UGT1A7: variants seen among roughly 807,000 people sequenced by gnomAD.
UGT1A7 encodes the protein UDP-glucuronosyltransferase 1A7.
Under a neutral mutation model 45.6 loss-of-function variants are expected in UGT1A7, and 33 were observed. The ratio of observed to expected loss-of-function variants is 0.72; its 90% confidence interval spans 0.55 to 0.97. The LOEUF is 0.97. Among genes scored for constraint, UGT1A7 ranks in the 50% least tolerant of loss-of-function variants. The probability of loss-of-function intolerance (pLI) is 0.00; values close to 1 mark genes in which losing one functional copy is unlikely to be tolerated. For missense variants in UGT1A7, 684 were observed against 666.2 expected (o/e 1.03, Z -0.29); for synonymous variants, 274 against 250.6 (o/e 1.09, Z -0.88).
intron 1 of UGT1A7, among the ~76,000 whole-genome samples, chr2:233,724,736 C>A (rs1232972283): frequency 7.0e-6 from 1 of 142,768 alleles, no homozygotes; most frequent in African/African-American, 2.6e-5. Flanking sequence ...GGCAGAGGGG[C>A]TCCTCACATC....
chr2:233,762,430 C>A (rs796065862), intron 1 of UGT1A7, among the ~76,000 whole-genome samples: 1 of 152,178 alleles, frequency 6.6e-6, no homozygotes, highest in African/African-American at 2.4e-5. Context: ...AATAGAGTAA[C>A]AGTGTATTCC....
chr2:233,757,535 AATATATATAT>A (rs67292694), intron 1 of UGT1A7, among the ~76,000 whole-genome samples: 5,616 of 88,332 alleles, frequency 0.064, 477 homozygotes, highest in Non-Finnish European at 0.086. Context: ...GCCTGTAAGG[AATATATATAT>A]ATATATATAT....
chr2:233,713,916 G>A, intron 1 of UGT1A7: 2 of 1,612,412 alleles, frequency 1.2e-6, no homozygotes, highest in Non-Finnish European at 1.7e-6. Flanking sequence ...TTTAAAAAAT[G>A]TATTTACTTA....
Position 233,769,517 on chromosome 2 carries a change from G to C in UGT1A7, c.1295+1078G>C. The C allele has an allele frequency of 6.2e-7, 1 of 1,612,844 alleles. No individual in the cohort carries two copies. The highest frequency in any genetic ancestry group is 8.5e-7 in the Non-Finnish European group (1 of 1,179,874). On this transcript the variant is annotated intron_variant, in intron 4 of 4. Coordinates refer to ENST00000373426, the MANE Select transcript of UGT1A7 (RefSeq NM_019077.3). This position sits in a 1 kb window ranked among gnomAD's most constrained non-coding sequence, Gnocchi z 4.4. ...AGAGTGTCCATTGCTTTCTCCCATG[G>C]TTACCTCCTTTAGAAAGAAGCAGCA...
At chr2:233,768,122 G>A in intron 3 of UGT1A7, 98 bp from the exon 4 acceptor site, 1 of 1,602,552 alleles carries the variant, frequency 6.2e-7, no homozygotes, top group Non-Finnish European at 8.5e-7. Flanking sequence ...GGGCATGTGA[G>A]TAACACTGAG....
chr2:233,731,351 A>G (rs2078148084), intron 1 of UGT1A7, among the ~76,000 whole-genome samples: 1 of 151,002 alleles, frequency 6.6e-6, no homozygotes, highest in African/African-American at 2.4e-5. Flanking sequence ...TTTGATACAT[A>G]GGTATACATG....
intron 1 of UGT1A7, among the ~76,000 whole-genome samples, chr2:233,707,503 C>T (rs2075965043): frequency 6.7e-6 from 1 of 148,792 alleles, no homozygotes; most frequent in Non-Finnish European, 1.5e-5. Flanking sequence ...CGGTACTTAA[C>T]ATAAATAGAA....
chr2:233,690,803 T>G, intron 1 of UGT1A7: 2 of 1,096,684 alleles, frequency 1.8e-6, no homozygotes, highest in East Asian at 7.6e-5. Context: ...ACACACACCA[T>G]TCTTAGTACA....
intron 1 of UGT1A7, chr2:233,718,839 G>T: frequency 1.2e-6 from 2 of 1,613,658 alleles, no homozygotes; most frequent in South Asian, 1.1e-5. Flanking sequence ...AGGACTCCAG[G>T]TTCCCCTGCC....
chr2:233,760,377 A>G (rs1697424081), intron 1 of UGT1A7: 2 of 1,614,124 alleles, frequency 1.2e-6, no homozygotes, highest in Admixed American at 1.7e-5. Flanking sequence ...CTGGGAAGAT[A>G]CTGTTGATCC....
chr2:233,730,079 T>A, intron 1 of UGT1A7: 1 of 1,605,320 alleles, frequency 6.2e-7, no homozygotes, highest in African/African-American at 1.3e-5. Context: ...CTTCCATATT[T>A]ACTTATCTTT....
intron 1 of UGT1A7, among the ~76,000 whole-genome samples, chr2:233,731,010 G>A (rs17868337): frequency 0.016 from 2,364 of 152,256 alleles, 27 homozygotes; most frequent in Admixed American, 0.024. Flanking sequence ...CATGTACATC[G>A]TGAGAGAATC....
chr2:233,741,159 G>T (rs1330355973), intron 1 of UGT1A7, among the ~76,000 whole-genome samples: 1 of 151,856 alleles, frequency 6.6e-6, no homozygotes, highest in Non-Finnish European at 1.5e-5. Flanking sequence ...CACTAATCCA[G>T]GATATATCAA....
chr2:233,693,905 C>T, intron 1 of UGT1A7: 1 of 1,613,116 alleles, frequency 6.2e-7, no homozygotes, highest in Non-Finnish European at 8.5e-7. Context: ...TTGTTTCTTC[C>T]AGGCTCTGTC....
At chr2:233,731,900 A>G (rs2078218151) in intron 1 of UGT1A7, among the ~76,000 whole-genome samples, 1 of 152,238 alleles carries the variant, frequency 6.6e-6, no homozygotes. Flanking sequence ...CACTCCCACC[A>G]ATGGTGTAAA....
chr2:233,744,059 G>A (rs1241791762), intron 1 of UGT1A7: 4 of 568,466 alleles, frequency 7.0e-6, no homozygotes, highest in Non-Finnish European at 1.1e-5. Context: ...ATTGGTCGAG[G>A]CCTATGAGCG....
chr2:233,748,129 T>C, intron 1 of UGT1A7: 1 of 1,610,122 alleles, frequency 6.2e-7, no homozygotes, highest in Non-Finnish European at 8.5e-7. Flanking sequence ...AAACAGTTTT[T>C]AAAAATTGTA....
intron 1 of UGT1A7, among the ~76,000 whole-genome samples, chr2:233,733,906 G>A (rs576095795): frequency 6.6e-6 from 1 of 152,124 alleles, no homozygotes; most frequent in South Asian, 2.1e-4. Context: ...GTACCTCTCT[G>A]GTAGAATTCG....
chr2:233,724,281 C>T (rs1325936815), intron 1 of UGT1A7, among the ~76,000 whole-genome samples: 26 of 111,902 alleles, frequency 2.3e-4, no homozygotes, highest in Non-Finnish European at 2.0e-4. Flanking sequence ...GCTGGCCGGG[C>T]GGGGGGCTGA....
Sources: allele counts gnomAD v4.1 joint callset (sites outside exome capture counted in the v4.1 genomes callset), GRCh38; gene constraint gnomAD v4.1.1; non-coding constraint Gnocchi (gnomAD v3.1); transcripts MANE v1.5; gene names NCBI Gene and HGNC (gene_info 2026-07-23, HGNC 2026-07-21).